Variants in STAT1 observed in about 807,000 individuals in gnomAD.
The protein encoded by STAT1 is signal transducer and activator of transcription 1.
Under a neutral mutation model 111.7 loss-of-function variants are expected in STAT1, and 24 were observed. The ratio of observed to expected loss-of-function variants is 0.21; its 90% CI spans 0.16 to 0.30. The LOEUF (loss-of-function observed/expected upper bound fraction) is 0.30. Ranked by LOEUF, STAT1 falls within the 10% of genes least tolerant of loss-of-function variation. The pLI is 1.00. For synonymous variants in STAT1, 332 were observed against 326.5 expected (o/e 1.02, Z -0.18); for missense variants, 351 against 911.9 (o/e 0.38, Z 7.92).
rs558064261 is a variant in STAT1, at chr2:190,982,027, C to A, written c.1582+356G>T. On this transcript the variant is annotated intron_variant, in intron 18 of 24. Transcript: ENST00000361099. This position sits in a 1 kb window ranked among gnomAD's most constrained non-coding sequence, Gnocchi z 7.3. ...TTATTTCTCATCATGTCAGGGACTT[C>A]CTTTTTTCTCCCCAAGGTTAATGGT... Among the ~76,000 whole-genome samples, 1 of 152,208 alleles carries A rather than the reference C, an allele frequency of 6.6e-6. No individual in the cohort carries two copies. Among genetic ancestry groups the A allele is most frequent in the Admixed American group, 6.5e-5 (1 of 15,294 alleles).
Position 190,997,788 on chromosome 2 carries a change from A to G in STAT1, c.785+68T>C. On this transcript the variant is annotated intron_variant, in intron 9 of 24. Transcript: ENST00000361099. This position sits in a 1 kb window ranked among gnomAD's most constrained non-coding sequence, Gnocchi z 7.3. ...AGGGTCCATTCAACTAACACAGCTCAAAGGTACATTTATGTGTTTATGTGG... is the reference window on the plus strand; with the variant it reads ...AGGGTCCATTCAACTAACACAGCTCGAAGGTACATTTATGTGTTTATGTGG... 5.0e-6 allele frequency: 8 copies of G among 1,607,386 alleles called. No individual in the cohort carries two copies. Among genetic ancestry groups the G allele is most frequent in the Non-Finnish European group, 6.8e-6 (8 of 1,176,370 alleles).
chr2:191,010,518 CAAAT>C (rs551698373), intron 2 of STAT1: 503 of 278,794 alleles, frequency 1.8e-3, no homozygotes, highest in Admixed American at 2.9e-3. Flanking sequence ...GTGATTTTAT[CAAAT>C]AAATACATGA....
intron 4 of STAT1, among the ~76,000 whole-genome samples, chr2:191,008,530 G>C (rs1251450456): frequency 6.6e-6 from 1 of 152,154 alleles, no homozygotes; most frequent in Non-Finnish European, 1.5e-5. Flanking sequence ...GACTTCCTTA[G>C]GTGAAAGTCA....
Position 190,989,715 on chromosome 2 carries a change from C to T in STAT1, c.1038-41G>A. 1 of 1,428,958 alleles carries T rather than the reference C, an allele frequency of 7.0e-7. No homozygotes were observed. The highest frequency in any genetic ancestry group is 9.8e-7 in the Non-Finnish European group (1 of 1,025,080). 88.5% of individuals were successfully genotyped at this position (1,428,958 alleles called of 1,614,324 possible). On this transcript the variant is annotated intron_variant, in intron 11 of 24. Transcript: ENST00000361099. This position sits in a 1 kb window ranked among gnomAD's most constrained non-coding sequence, Gnocchi z 5.0. Reference sequence around the variant, plus strand: ...AAAGCCATTACTTAAAAAAAATTATCTGTTACAATTTATTTATTATGCCAA... The same window carrying T: ...AAAGCCATTACTTAAAAAAAATTATTTGTTACAATTTATTTATTATGCCAA...
intron 5 of STAT1, among the ~76,000 whole-genome samples, chr2:191,002,866 T>C (rs1002239062): frequency 6.6e-6 from 1 of 152,214 alleles, no homozygotes; most frequent in Non-Finnish European, 1.5e-5. Context: ...TTGAATTCTG[T>C]TAGATCTTTT....
intron 4 of STAT1, chr2:191,008,131 A>G (rs1487318601): frequency 2.6e-6 from 1 of 385,464 alleles, no homozygotes; most frequent in African/African-American, 2.1e-5. Flanking sequence ...AATAGCAATA[A>G]TGGCTCTTTA....
In STAT1 at chr2:190,998,086, C is replaced by A; in HGVS notation, c.634-79G>T. On this transcript the variant is annotated intron_variant, in intron 8 of 24. Coordinates refer to ENST00000361099, the MANE Select transcript of STAT1 (RefSeq NM_007315.4). This position sits in a 1 kb window ranked among gnomAD's most constrained non-coding sequence, Gnocchi z 4.1. ...TTTAAAATATTTTTTAAAAGAAAAG[C>A]AAATATCATTTCATTCTCAACTGGG... The A allele has an allele frequency of 6.3e-7, 1 of 1,577,054 alleles. No individual in the cohort carries two copies. The highest frequency in any genetic ancestry group is 8.7e-7 in the Non-Finnish European group (1 of 1,154,956).
Position 190,980,455 on chromosome 2 carries a change from C to T in STAT1, c.1632+165G>A, listed in dbSNP as rs547458407. 6.6e-6 allele frequency among the ~76,000 whole-genome samples: 1 copy of T among 152,356 alleles called. No homozygotes were observed. The highest frequency in any genetic ancestry group is 2.1e-4 in the South Asian group (1 of 4,830). ...GTCAGACTCCTGCTCGGAGACCAACCTCCTGCACTGAAGAAAAGTAAACAA... is the reference window on the plus strand; with the variant it reads ...GTCAGACTCCTGCTCGGAGACCAACTTCCTGCACTGAAGAAAAGTAAACAA... On this transcript the variant is annotated intron_variant, in intron 19 of 24. Transcript: ENST00000361099. The surrounding 1 kb of genome is among the most constrained non-coding windows in gnomAD (Gnocchi z 6.1).
chr2:190,997,280 T>G lies in STAT1; in HGVS notation c.785+576A>C, dbSNP rs1693926932. Among the ~76,000 whole-genome samples, 1 of 152,208 alleles carries G rather than the reference T, an allele frequency of 6.6e-6. No individual in the cohort carries two copies. Among genetic ancestry groups the G allele is most frequent in the Admixed American group, 6.5e-5 (1 of 15,280 alleles). ...AAACCTTCCCTGGAGATGCTTTCCT[T>G]TGTCCTCCACAGAATTCTGATGGCC... On this transcript the variant is annotated intron_variant, in intron 9 of 24. Coordinates refer to ENST00000361099, the MANE Select transcript of STAT1 (RefSeq NM_007315.4). The surrounding 1 kb of genome is among the most constrained non-coding windows in gnomAD (Gnocchi z 7.3).
In STAT1 at chr2:190,979,588, A is replaced by G. The variant is rs1284627911; in HGVS notation, c.1727+184T>C. Among the ~76,000 whole-genome samples, 1 of 152,024 alleles carries G rather than the reference A, an allele frequency of 6.6e-6. No individual in the cohort carries two copies. The highest frequency in any genetic ancestry group is 1.5e-5 in the Non-Finnish European group (1 of 68,000). On this transcript the variant is annotated intron_variant, in intron 20 of 24. Coordinates refer to ENST00000361099, the MANE Select transcript of STAT1 (RefSeq NM_007315.4). This position sits in a 1 kb window ranked among gnomAD's most constrained non-coding sequence, Gnocchi z 5.8. ...CTTTGCCAATACATATACTTGTACT[A>G]AGAAAGTGTAAGGTTAATGTTATGA...
chr2:190,991,298 G>T lies in STAT1; in HGVS notation c.967C>A (p.Pro323Thr). Residue 323 changes from proline to threonine, a missense_variant, in exon 11 of 25, where the codon CCC (proline) becomes ACC (threonine). Pro to Thr is a conservative substitution (Grantham distance 38, BLOSUM62 -1). Coordinates refer to ENST00000361099, the MANE Select transcript of STAT1 (RefSeq NM_007315.4). The part of the protein sequence containing the change: ...IQSSFVVERQ[P>T]CMPTHPQRPL... ...CTCTGAGGGTGCGTTGGCATGCAGG[G>T]CTGTCTTTCCACCACAAACGAGCTG... 6.2e-7 allele frequency: 1 copy of T among 1,614,112 alleles called. No individual in the cohort carries two copies. The highest frequency in any genetic ancestry group is 8.5e-7 in the Non-Finnish European group (1 of 1,179,994).
rs1364125268 is a variant in STAT1 at position 190,983,740 on chromosome 2, T to C, written c.1348A>G (p.Thr450Ala). ...ATCACCACAACGGGCAGAGAGGTCG[T>C]CTAAAGGATGACAAAGACCTTGAAA... is the stretch of plus-strand genomic sequence containing the variant. ...CQPGLVIDLE[T>A]TSLPVVVISN... Residue 450 changes from threonine (T) to alanine (A), a missense_variant and splice_region_variant, in exon 17 of 25, where the codon ACG becomes GCG. This residue lies in a region of STAT1 where 181 missense variants were observed against 426.1 expected (regional missense o/e 0.42). Coordinates refer to ENST00000361099, the MANE Select transcript of STAT1 (RefSeq NM_007315.4). The surrounding 1 kb of genome is among the most constrained non-coding windows in gnomAD (Gnocchi z 5.7). 6 of 1,613,888 alleles carry C rather than the reference T, an allele frequency of 3.7e-6. No individual in the cohort carries two copies. The African/African-American group carries it at 6.7e-5, about 18-fold the overall frequency.
Position 190,999,759 on chromosome 2 carries a change from T to C in STAT1, c.463-55A>G, listed in dbSNP as rs982762846. On this transcript the variant is annotated intron_variant, in intron 6 of 24. Transcript: ENST00000361099. This position sits in a 1 kb window ranked among gnomAD's most constrained non-coding sequence, Gnocchi z 4.1. ...ACTGATCAGCAACTTCCAAAGACTT[T>C]AGGCAACAGAGTATTGCTTCTATGG... The C allele has an allele frequency of 1.6e-6, 2 of 1,285,228 alleles. No homozygotes were observed. The highest frequency in any genetic ancestry group is 1.5e-5 in the African/African-American group (1 of 68,526). The allele number at this position is 1,285,228 out of a possible 1,614,324, so 79.6% of individuals were successfully genotyped here.
In STAT1 at chr2:190,978,980, G is replaced by A. The variant is rs1420822455; in HGVS notation, c.1749C>T (p.Ser583=). ...TCAACAGGGCACGCTCTCGCTCCTT[G>A]CTGATGAAGCCCATGATGCACCTGG... ...WNDGCIMGFI[S]KERERALLKD... The change falls in exon 21 of 25, where the codon AGC becomes AGT. Residue 583 remains serine, a synonymous_variant. Coordinates refer to ENST00000361099, the MANE Select transcript of STAT1 (RefSeq NM_007315.4). The surrounding 1 kb of genome is among the most constrained non-coding windows in gnomAD (Gnocchi z 6.1). The A allele has an allele frequency of 6.2e-7, 1 of 1,614,062 alleles. No individual in the cohort carries two copies. The highest frequency in any genetic ancestry group is 1.7e-5 in the Admixed American group (1 of 59,998).
In STAT1 at chr2:190,977,875, T is replaced by C. The variant is rs1692031165; in HGVS notation, c.1874-850A>G. 6.6e-6 allele frequency among the ~76,000 whole-genome samples: 1 copy of C among 152,136 alleles called. No homozygotes were observed. The highest frequency in any genetic ancestry group is 6.5e-5 in the Admixed American group (1 of 15,268). ...CGCCAGACTCTCATCTCAGCCTCCCTGCTTTTTCCTCAGAAGAAAAATAGA... is the reference window on the plus strand; with the variant it reads ...CGCCAGACTCTCATCTCAGCCTCCCCGCTTTTTCCTCAGAAGAAAAATAGA... On this transcript the variant is annotated intron_variant, in intron 21 of 24. Transcript: ENST00000361099. This position sits in a 1 kb window ranked among gnomAD's most constrained non-coding sequence, Gnocchi z 4.7.
At chr2:191,013,429 G>A (rs1416470039) in intron 2 of STAT1, 96 bp downstream of exon 2, 5 of 389,616 alleles carry the variant, frequency 1.3e-5, no homozygotes, top group African/African-American at 6.2e-5. Context: ...TTAAACTCTA[G>A]GAAGACATTA....
In STAT1 at chr2:190,970,507, G is replaced by T; in HGVS notation, c.*196C>A. ...TGCCTTTCAATTTTACCTTCAGTAA[G>T]ATGCATGATGCCCTTCAGAGTAACT... On this transcript the variant is annotated 3_prime_UTR_variant, in exon 25 of 25. Transcript: ENST00000361099. The surrounding 1 kb of genome is among the most constrained non-coding windows in gnomAD (Gnocchi z 5.4). The T allele has an allele frequency of 1.5e-6, 1 of 662,880 alleles. No individual in the cohort carries two copies. Among genetic ancestry groups the T allele is most frequent in the Admixed American group, 2.2e-5 (1 of 44,586 alleles). The allele number at this position is 662,880 out of a possible 1,614,324, so 41.1% of individuals were successfully genotyped here.
Position 190,980,863 on chromosome 2 carries a change from G to A in STAT1, c.1583-194C>T, listed in dbSNP as rs957038923. 2.0e-5 allele frequency among the ~76,000 whole-genome samples: 3 copies of A among 152,154 alleles called. No individual in the cohort carries two copies. The highest frequency in any genetic ancestry group is 2.9e-5 in the Non-Finnish European group (2 of 68,034). On this transcript the variant is annotated intron_variant, in intron 18 of 24. Coordinates refer to ENST00000361099, the MANE Select transcript of STAT1 (RefSeq NM_007315.4). The surrounding 1 kb of genome is among the most constrained non-coding windows in gnomAD (Gnocchi z 6.1). ...ATTATAATACGTGCTGTAAGAGGGC[G>A]GAATTTAAATGGTCTAAAATATGTA...
intron 15 of STAT1, 124 bp downstream of exon 15, chr2:190,985,495 C>T: frequency 5.2e-6 from 5 of 955,208 alleles, no homozygotes. Flanking sequence ...TACCCAGCTC[C>T]TTTGCTGCTC....
Sources: gnomAD v4.1 joint callset for allele counts (sites outside exome capture counted in the v4.1 genomes callset) on GRCh38, gnomAD v4.1.1 for gene constraint, gnomAD v4.1.1 regional missense constraint, Gnocchi (gnomAD v3.1) non-coding constraint, MANE v1.5 for transcripts, NCBI Gene and HGNC (gene_info 2026-07-23, HGNC 2026-07-21) for gene names.